The following EPHB1 variants were observed in gnomAD, a reference collection of about 807,000 sequenced individuals.
EPHB1 encodes ephrin type-B receptor 1.
EPHB1 carries 30 observed loss-of-function variants against 94.4 expected under a neutral mutation model. The ratio of observed to expected loss-of-function variants is 0.32; its 90% CI spans 0.24 to 0.43. The LOEUF is 0.43. Ranked by LOEUF, EPHB1 falls within the 20% of genes least tolerant of loss-of-function variation. The pLI, the probability that EPHB1 is intolerant of heterozygous loss-of-function variation, is 1.00. For synonymous variants in EPHB1, 522 were observed against 489.1 expected (o/e 1.07, Z -0.89); for missense variants, 1,055 against 1,308.3 (o/e 0.81, Z 2.99).
rs201143675 is a variant in EPHB1 at position 135,248,466 on chromosome 3, C to T, written c.2647C>T (p.Arg883Trp). The T allele has an allele frequency of 1.4e-5, 23 of 1,612,614 alleles. No homozygotes were observed. Among genetic ancestry groups the T allele is most frequent in the Admixed American group, 1.7e-5 (1 of 59,956 alleles). ...EIVNTLDKMI[R>W]NPASLKTVAT... The stretch of plus-strand genomic sequence containing the variant: ...TGTCAACACCCTAGATAAGATGATC[C>T]GGAACCCGGCAAGTCTCAAGACTGT... Residue 883 changes from arginine (R) to tryptophan (W), a missense_variant, in exon 14 of 16, where the codon CGG becomes TGG. By Grantham distance (101) the Arg-to-Trp change is moderately radical. Transcript: ENST00000398015.
chr3:135,190,378 A>T (rs1328436343), intron 10 of EPHB1, among the ~76,000 whole-genome samples: 3 of 152,238 alleles, frequency 2.0e-5, no homozygotes, highest in Admixed American at 2.0e-4. Flanking sequence ...GCCCATTATT[A>T]TGACAACAAG....
At chr3:135,051,550 T>C (rs1937167797) in intron 3 of EPHB1, among the ~76,000 whole-genome samples, 1 of 152,194 alleles carries the variant, frequency 6.6e-6, no homozygotes, top group Non-Finnish European at 1.5e-5. Flanking sequence ...AGCTTCAAGA[T>C]TGATTAGTAA....
chr3:135,175,654 AACT>A (rs1361402328), intron 9 of EPHB1, among the ~76,000 whole-genome samples: 2 of 152,222 alleles, frequency 1.3e-5, no homozygotes, highest in East Asian at 3.8e-4. Context: ...AATAATTGGA[AACT>A]ATAAAATATA....
At chr3:135,151,723 G>T (rs1334076064) in intron 5 of EPHB1, among the ~76,000 whole-genome samples, 2 of 152,106 alleles carry the variant, frequency 1.3e-5, no homozygotes. Context: ...CTACTAAGTT[G>T]CAGGCAAGAA....
intron 3 of EPHB1, among the ~76,000 whole-genome samples, chr3:135,047,199 G>A (rs952612561): frequency 6.6e-6 from 1 of 152,206 alleles, no homozygotes; most frequent in Non-Finnish European, 1.5e-5. Context: ...TGGAGGGAGA[G>A]AGAGGAAAAG....
intron 1 of EPHB1, among the ~76,000 whole-genome samples, chr3:134,915,610 T>C (rs1310268044): frequency 6.6e-6 from 1 of 152,210 alleles, no homozygotes; most frequent in Non-Finnish European, 1.5e-5. Flanking sequence ...CTGGACTTTG[T>C]TCCTTCTGAT....
chr3:135,208,930 G>A (rs535846258), intron 12 of EPHB1, among the ~76,000 whole-genome samples: 1 of 152,224 alleles, frequency 6.6e-6, no homozygotes, highest in South Asian at 2.1e-4. Context: ...GAAAATGTGA[G>A]ATGAGACCAA....
chr3:135,233,564 C>G (rs1055685710), intron 12 of EPHB1, among the ~76,000 whole-genome samples: 1 of 152,172 alleles, frequency 6.6e-6, no homozygotes, highest in Non-Finnish European at 1.5e-5. Context: ...GCGGATCTAC[C>G]ATTCTAGGGT....
intron 3 of EPHB1, among the ~76,000 whole-genome samples, chr3:135,078,947 T>C (rs1304397967): frequency 2.0e-5 from 3 of 152,176 alleles, no homozygotes; most frequent in Admixed American, 6.5e-5. Flanking sequence ...AGTAACCTCA[T>C]TGGGAGGTCA....
At chr3:135,024,760 C>T (rs182828924) in intron 3 of EPHB1, among the ~76,000 whole-genome samples, 2 of 152,276 alleles carry the variant, frequency 1.3e-5, no homozygotes, top group East Asian at 1.9e-4. Flanking sequence ...CATTCTTTTC[C>T]CTAACACTTC....
chr3:135,081,080 G>A (rs1003560599), intron 3 of EPHB1, among the ~76,000 whole-genome samples: 10 of 152,126 alleles, frequency 6.6e-5, no homozygotes, highest in East Asian at 1.9e-4. Flanking sequence ...CTAGAGACAC[G>A]AGGAGAATCA....
At chr3:134,828,265 A>G (rs1246350534) in intron 1 of EPHB1, among the ~76,000 whole-genome samples, 1 of 152,198 alleles carries the variant, frequency 6.6e-6, no homozygotes. Flanking sequence ...AGGTAAAACC[A>G]ACACTGTGTG....
At chr3:134,802,163 G>A (rs1020101276) in intron 1 of EPHB1, among the ~76,000 whole-genome samples, 4 of 151,666 alleles carry the variant, frequency 2.6e-5, no homozygotes, top group African/African-American at 7.3e-5. Flanking sequence ...CAGGCCGGGC[G>A]CGGTGGCTCA....
chr3:135,179,788 G>A (rs1244406667), intron 9 of EPHB1, 72 bp from the exon 10 acceptor site: 2 of 1,577,888 alleles, frequency 1.3e-6, no homozygotes, highest in East Asian at 2.2e-5. Flanking sequence ...CTTAGTGCTG[G>A]GGACATCAGC....
chr3:135,205,093 A>G (rs887321491), intron 12 of EPHB1, among the ~76,000 whole-genome samples: 4 of 151,878 alleles, frequency 2.6e-5, no homozygotes, highest in Admixed American at 6.5e-5. Flanking sequence ...ATGACCTTCA[A>G]TTGCATCCGT....
chr3:134,860,616 C>A (rs1388976355), intron 1 of EPHB1, among the ~76,000 whole-genome samples: 1 of 152,082 alleles, frequency 6.6e-6, no homozygotes, highest in Non-Finnish European at 1.5e-5. Context: ...AGATCAAGAC[C>A]ATCCTGGCTA....
At chr3:135,060,877 G>C (rs1405800803) in intron 3 of EPHB1, among the ~76,000 whole-genome samples, 1 of 151,512 alleles carries the variant, frequency 6.6e-6, no homozygotes, top group Non-Finnish European at 1.5e-5. Context: ...TCAAACAGTA[G>C]GTCTTATTCA....
At chr3:135,227,241 T>C (rs572890949) in intron 12 of EPHB1, among the ~76,000 whole-genome samples, 37 of 152,240 alleles carry the variant, frequency 2.4e-4, no homozygotes, top group African/African-American at 8.4e-4. Flanking sequence ...ACCCCTAAAA[T>C]GAAACCATCT....
chr3:135,170,253 G>A (rs1221646693), intron 9 of EPHB1, among the ~76,000 whole-genome samples: 2 of 152,196 alleles, frequency 1.3e-5, no homozygotes, highest in East Asian at 3.9e-4. Context: ...AGAAATGACA[G>A]AAATGTTTGC....
Sources: gnomAD v4.1 joint callset for allele counts (sites outside exome capture counted in the v4.1 genomes callset) on GRCh38, gnomAD v4.1.1 for gene constraint, MANE v1.5 for transcripts, NCBI Gene and HGNC (gene_info 2026-07-23, HGNC 2026-07-21) for gene names.